The following APBB1IP variants were observed in gnomAD, a reference collection of about 807,000 sequenced individuals.
APBB1IP encodes the protein amyloid beta precursor protein binding family B member 1 interacting protein, also known as amyloid beta A4 precursor protein-binding family B member 1-interacting protein.
APBB1IP carries 27 observed loss-of-function variants against 64.9 expected under a neutral mutation model. The ratio of observed to expected loss-of-function variants is 0.42; its 90% CI spans 0.31 to 0.57. APBB1IP has a LOEUF of 0.57. APBB1IP is among the 20% of genes least tolerant of loss of function. The pLI is 0.20. For missense variants in APBB1IP, 812 were observed against 845.5 expected (o/e 0.96, Z 0.49); for synonymous variants, 392 against 331.0 (o/e 1.18, Z -2.00).
At chr10:26,457,187 A>G (rs1220386953) in intron 2 of APBB1IP, among the ~76,000 whole-genome samples, 1 of 152,180 alleles carries the variant, frequency 6.6e-6, no homozygotes, top group Non-Finnish European at 1.5e-5. Flanking sequence ...GTTCATAGCC[A>G]TCAAGTCAGC....
intron 2 of APBB1IP, among the ~76,000 whole-genome samples, chr10:26,491,497 C>T (rs1835954123): frequency 6.6e-6 from 1 of 152,142 alleles, no homozygotes; most frequent in African/African-American, 2.4e-5. Flanking sequence ...ACTCACAGTG[C>T]GTCCCACCCT....
At chr10:26,493,013 G>A (rs1490726231) in intron 3 of APBB1IP, among the ~76,000 whole-genome samples, 1 of 152,114 alleles carries the variant, frequency 6.6e-6, no homozygotes, top group Non-Finnish European at 1.5e-5. Context: ...CCCCCAGAGC[G>A]GCCATTTTAG....
chr10:26,535,960 T>A, intron 9 of APBB1IP, 114 bp from the exon 10 acceptor site: 1 of 1,094,680 alleles, frequency 9.1e-7, no homozygotes, highest in Non-Finnish European at 1.3e-6. Context: ...CGATCAGAGT[T>A]GTACACAAAA....
intron 2 of APBB1IP, among the ~76,000 whole-genome samples, chr10:26,487,037 A>C (rs1384368548): frequency 6.6e-6 from 1 of 152,196 alleles, no homozygotes; most frequent in Non-Finnish European, 1.5e-5. Flanking sequence ...CCAAGACATA[A>C]AATGAACTCA....
In APBB1IP at chr10:26,503,185, G is replaced by C. The variant is rs1836128095; in HGVS notation, c.454-12G>C. The C allele has an allele frequency of 1.9e-6, 3 of 1,613,616 alleles. No homozygotes were observed. Among genetic ancestry groups the C allele is most frequent in the Admixed American group, 1.7e-5 (1 of 59,974 alleles). ...AATGGACTGTATTGAAGAATATCTT[G>C]CCCTTTTCCAGGAAGAGGAAGAAGC... On this transcript the variant is annotated splice_polypyrimidine_tract_variant and intron_variant, in intron 5 of 14. Transcript: ENST00000376236.
At chr10:26,495,845 G>T (rs1351357616) in intron 3 of APBB1IP, among the ~76,000 whole-genome samples, 1 of 146,414 alleles carries the variant, frequency 6.8e-6, no homozygotes, top group East Asian at 2.0e-4. Context: ...AGTAACTGGA[G>T]ATTTCTTTAT....
At chr10:26,472,282 A>T (rs770448427) in intron 2 of APBB1IP, among the ~76,000 whole-genome samples, 7 of 152,256 alleles carry the variant, frequency 4.6e-5, no homozygotes, top group Non-Finnish European at 1.0e-4. Flanking sequence ...AGCTGATTAA[A>T]TTATAGTGCA....
rs71401901 is a variant in APBB1IP, at chr10:26,516,543, C to CAAAAAAAAAAAAAAAAAAAAAAAAAAAA, written c.813+2901_813+2902insAAAAAAAAAAAAAAAAAAAAAAAAAAAA. On this transcript the variant is annotated intron_variant, in intron 8 of 14. Coordinates refer to ENST00000376236, the MANE Select transcript of APBB1IP (RefSeq NM_019043.4). ...TGGGTGACAGAGCAAGACTCCATCTCAAAAAAAAAAAAAAAAAAGTAAAGC... is the reference window on the plus strand; with the variant it reads ...TGGGTGACAGAGCAAGACTCCATCTCAAAAAAAAAAAAAAAAAAAAAAAAAAAAAAAAAAAAAAAAAAAAAAGTAAAGC... Among the ~76,000 whole-genome samples the CAAAAAAAAAAAAAAAAAAAAAAAAAAAA allele has an allele frequency of 5.1e-4, 24 of 47,202 alleles. 1 individual carries two copies. The highest frequency in any genetic ancestry group is 0.014 in the Middle Eastern group (1 of 70). The allele number at this position is 47,202 out of a possible 152,430, so 31.0% of individuals were successfully genotyped here.
intron 2 of APBB1IP, among the ~76,000 whole-genome samples, chr10:26,463,866 G>A (rs1254089311): frequency 1.3e-5 from 2 of 152,142 alleles, no homozygotes; most frequent in Non-Finnish European, 2.9e-5. Flanking sequence ...CATGCATTAG[G>A]TATTTGTCCT....
In APBB1IP at chr10:26,513,664, A is replaced by T; in HGVS notation, c.813+4A>T. The T allele has an allele frequency of 1.9e-6, 3 of 1,607,194 alleles. No individual in the cohort carries two copies. The highest frequency in any genetic ancestry group is 2.5e-6 in the Non-Finnish European group (3 of 1,178,496). On this transcript the variant is annotated splice_donor_region_variant and intron_variant, in intron 8 of 14. Coordinates refer to ENST00000376236, the MANE Select transcript of APBB1IP (RefSeq NM_019043.4). ...TGCTGTATTTAAAAACCCCCAGGTA[A>T]GATGATCTGCATATTGTTAAACCCT...
chr10:26,492,908 G>A (rs1181199452), intron 3 of APBB1IP, among the ~76,000 whole-genome samples: 3 of 152,106 alleles, frequency 2.0e-5, no homozygotes, highest in African/African-American at 4.8e-5. Context: ...ACTAGAATTC[G>A]CCAGGCTGGA....
At chr10:26,506,977 G>A (rs192658642) in intron 6 of APBB1IP, among the ~76,000 whole-genome samples, 29 of 152,198 alleles carry the variant, frequency 1.9e-4, no homozygotes, top group Non-Finnish European at 3.7e-4. Flanking sequence ...TGGGTGTGGT[G>A]CTGGGGGGCA....
intron 8 of APBB1IP, among the ~76,000 whole-genome samples, chr10:26,527,539 T>C (rs1836489794): frequency 7.1e-6 from 1 of 141,464 alleles, no homozygotes; most frequent in Non-Finnish European, 1.5e-5. Flanking sequence ...CAATACCTTG[T>C]CTCAAAAAAA....
chr10:26,537,474 A>G (rs192350751), intron 10 of APBB1IP, among the ~76,000 whole-genome samples: 1 of 152,210 alleles, frequency 6.6e-6, no homozygotes. Flanking sequence ...CTTAGATCTG[A>G]TGCTTTCCCA....
At chr10:26,561,314 T>C (rs1461313920) in intron 13 of APBB1IP, among the ~76,000 whole-genome samples, 1 of 151,176 alleles carries the variant, frequency 6.6e-6, no homozygotes, top group East Asian at 1.9e-4. Flanking sequence ...GTGATGCACC[T>C]GCCTCAGCCT....
intron 2 of APBB1IP, among the ~76,000 whole-genome samples, chr10:26,443,793 T>G: frequency 6.6e-6 from 1 of 152,142 alleles, no homozygotes; most frequent in East Asian, 1.9e-4. Context: ...CACCTCGGGC[T>G]CTCAAAGTCT....
chr10:26,467,042 C>T (rs1835656222), intron 2 of APBB1IP, among the ~76,000 whole-genome samples: 2 of 151,666 alleles, frequency 1.3e-5, no homozygotes, highest in South Asian at 4.2e-4. Flanking sequence ...TTCTGTACCT[C>T]TAAATAATAA....
At chr10:26,461,302 A>G (rs1835589314) in intron 2 of APBB1IP, among the ~76,000 whole-genome samples, 1 of 152,218 alleles carries the variant, frequency 6.6e-6, no homozygotes, top group African/African-American at 2.4e-5. Flanking sequence ...GCATATGGCA[A>G]TGAGGATAGG....
intron 8 of APBB1IP, among the ~76,000 whole-genome samples, chr10:26,524,722 A>G (rs1246982295): frequency 6.6e-6 from 1 of 152,118 alleles, no homozygotes; most frequent in Non-Finnish European, 1.5e-5. Flanking sequence ...TAAAGACTTG[A>G]AGTCAACAGA....
Sources: allele counts gnomAD v4.1 joint callset (sites outside exome capture counted in the v4.1 genomes callset), GRCh38; gene constraint gnomAD v4.1.1; transcripts MANE v1.5; gene names NCBI Gene and HGNC (gene_info 2026-07-23, HGNC 2026-07-21).